LSM14B: variants seen among roughly 807,000 people sequenced by gnomAD.
The protein encoded by LSM14B is LSM family member 14B, also known as protein LSM14 homolog B.
A neutral mutation model predicts 42.1 loss-of-function variants in LSM14B; 8 were observed. The observed-to-expected ratio is 0.19, with a 90% CI of 0.11 to 0.34. LSM14B has a LOEUF of 0.34. Among genes scored for constraint, LSM14B ranks in the 10% least tolerant of loss-of-function variants. The pLI, the probability that LSM14B is intolerant of heterozygous loss-of-function variation, is 1.00. For missense variants in LSM14B, 396 were observed against 513.1 expected (o/e 0.77, Z 2.21); for synonymous variants, 219 against 209.7 (o/e 1.04, Z -0.38).
chr20:62,126,870 A>T (rs750913327), intron 3 of LSM14B, among the ~76,000 whole-genome samples: 6 of 152,082 alleles, frequency 3.9e-5, no homozygotes, highest in Non-Finnish European at 5.9e-5. Flanking sequence ...GGTGGGACAC[A>T]CCTGTAATCC....
intron 1 of LSM14B, among the ~76,000 whole-genome samples, chr20:62,124,039 G>A (rs1158251335): frequency 6.6e-6 from 1 of 152,240 alleles, no homozygotes; most frequent in African/African-American, 2.4e-5. Flanking sequence ...CTGGAAGCCT[G>A]CTGGTTAGGG....
intron 3 of LSM14B, among the ~76,000 whole-genome samples, chr20:62,127,054 T>C (rs981188239): frequency 3.9e-5 from 6 of 152,240 alleles, no homozygotes; most frequent in Non-Finnish European, 5.9e-5. Flanking sequence ...ATAGCTGATA[T>C]ATATGTAGTA....
Position 62,135,175 on chromosome 20 carries a change from A to G in LSM14B, c.*1027A>G, listed in dbSNP as rs1345048361. The G allele has an allele frequency of 6.6e-6, 1 of 152,120 alleles. No individual in the cohort carries two copies. The highest frequency in any genetic ancestry group is 2.4e-5 in the African/African-American group (1 of 41,400). The allele number at this position is 152,120 out of a possible 1,614,324, so 9.4% of individuals were successfully genotyped here. ...GCATGCGTCCTCTGAGTGACAGGGC[A>G]TTTTGTCGAAAATAAGCACCTTGGT... On this transcript the variant is annotated 3_prime_UTR_variant, in exon 9 of 9. Transcript: ENST00000279068.
rs1447877251 is a variant in LSM14B at position 62,131,372 on chromosome 20, G to A, written c.852G>A (p.Lys284=). The change falls in exon 7 of 9, where the codon AAG becomes AAA. Residue 284 remains lysine (K), a synonymous_variant. Transcript: ENST00000279068. ...KLNFKDDKAE[K]GEEKDLAVVT... ...TTTTTGTAGATGACAAGGCTGAGAA[G>A]GGGGAAGAGAAGGACCTGGCTGTGG... The A allele has an allele frequency of 2.5e-6, 4 of 1,603,810 alleles. No individual in the cohort carries two copies. In the East Asian group the frequency reaches 8.9e-5, roughly 36 times the overall value.
rs1568713754 is a variant in LSM14B at position 62,130,881 on chromosome 20, T to C, written c.835+190T>C. Among the ~76,000 whole-genome samples, 1 of 152,140 alleles carries C rather than the reference T, an allele frequency of 6.6e-6. No individual in the cohort carries two copies. Among genetic ancestry groups the C allele is most frequent in the East Asian group, 1.9e-4 (1 of 5,172 alleles). On this transcript the variant is annotated intron_variant, in intron 6 of 8. Transcript: ENST00000279068. The surrounding 1 kb of genome is among the most constrained non-coding windows in gnomAD (Gnocchi z 4.1). ...CAACACAATGAAACCCCATCTGTAC[T>C]AAAAATCCAAAAATTAGCCAGGCGT...
chr20:62,129,425 G>A (rs2056698718), intron 3 of LSM14B, among the ~76,000 whole-genome samples: 1 of 152,198 alleles, frequency 6.6e-6, no homozygotes, highest in South Asian at 2.1e-4. Context: ...CTTTGGGATT[G>A]GAGCTTGTGT....
In LSM14B at chr20:62,130,642, C is replaced by G. The variant is rs1303822401; in HGVS notation, c.786C>G (p.Phe262Leu). The change falls in exon 6 of 9, where the codon TTC becomes TTG. Residue 262 changes from phenylalanine to leucine, a missense_variant. Phe to Leu is a conservative substitution (Grantham distance 22). Coordinates refer to ENST00000279068, the MANE Select transcript of LSM14B (RefSeq NM_144703.3). This position sits in a 1 kb window ranked among gnomAD's most constrained non-coding sequence, Gnocchi z 4.1. ...DFDFESANAQ[F>L]NREELDKEFK... Reference sequence around the variant, plus strand: ...ATTTCGAGAGTGCAAATGCCCAGTTCAACCGAGAGGAGCTTGACAAAGAAT... The same window carrying G: ...ATTTCGAGAGTGCAAATGCCCAGTTGAACCGAGAGGAGCTTGACAAAGAAT... 4 of 1,613,958 alleles carry G rather than the reference C, an allele frequency of 2.5e-6. No individual in the cohort carries two copies. The Admixed American group carries it at 6.7e-5, about 27-fold the overall frequency.
At position 62,129,860 on chromosome 20, in the gene LSM14B, A is replaced by T. The variant is rs753584982; in HGVS notation, c.503A>T (p.Asn168Ile). The T allele has an allele frequency of 2.1e-5, 34 of 1,612,506 alleles. No individual in the cohort carries two copies. The highest frequency in any genetic ancestry group is 2.9e-5 in the Non-Finnish European group (34 of 1,179,422). ...EQAVQTGSAD[N>I]LNAKKLLPGK... ...GCTGTGCAGACTGGTTCTGCTGACAACCTGAATGCTAAAAAGCTGTTACCT... is the reference window on the plus strand; with the variant it reads ...GCTGTGCAGACTGGTTCTGCTGACATCCTGAATGCTAAAAAGCTGTTACCT... Residue 168 changes from asparagine to isoleucine, a missense_variant, in exon 4 of 9, where the codon AAC becomes ATC. Asn to Ile is a moderately radical substitution (Grantham distance 149). Around this residue, in one of 3 missense-constraint regions of LSM14B, gnomAD observed 274 missense variants for 335.8 expected, o/e 0.82. Transcript: ENST00000279068.
intron 7 of LSM14B, among the ~76,000 whole-genome samples, chr20:62,131,942 G>A (rs925599709): frequency 1.3e-5 from 2 of 152,246 alleles, no homozygotes; most frequent in African/African-American, 4.8e-5. Context: ...GGACCATGTG[G>A]TGTGTTTTAT....
chr20:62,131,028 G>T (rs1243642818), intron 6 of LSM14B, among the ~76,000 whole-genome samples: 2 of 152,154 alleles, frequency 1.3e-5, no homozygotes, highest in African/African-American at 4.8e-5. Flanking sequence ...CCAGCCGGGC[G>T]ATAGAGCAAG....
chr20:62,130,335 T>C lies in LSM14B; in HGVS notation c.673+39T>C. 6.4e-7 allele frequency: 1 copy of C among 1,561,324 alleles called. No individual in the cohort carries two copies. Among genetic ancestry groups the C allele is most frequent in the Non-Finnish European group, 8.7e-7 (1 of 1,151,916 alleles). On this transcript the variant is annotated intron_variant, in intron 5 of 8. Transcript: ENST00000279068. This position sits in a 1 kb window ranked among gnomAD's most constrained non-coding sequence, Gnocchi z 4.1. ...CCACTTGATTTCTGGGGACCACGAG[T>C]GATCAGGCTGAGCTCTGCTTGCCCT...
In LSM14B at chr20:62,124,913, G is replaced by A. The variant is rs1037530093; in HGVS notation, c.291+133G>A. On this transcript the variant is annotated intron_variant, in intron 2 of 8. Transcript: ENST00000279068. ...TTTTTTTTCTTTGAGGCAGCGTCTC[G>A]CTGTGTCACCAGGCTGGAGGTCAGT... 9.0e-6 allele frequency: 9 copies of A among 996,874 alleles called. No homozygotes were observed. In the South Asian group the frequency reaches 9.1e-5, roughly 10 times the overall value. 61.8% of individuals were successfully genotyped at this position (996,874 alleles called of 1,614,324 possible).
At chr20:62,126,641 C>G (rs1415541386) in intron 3 of LSM14B, among the ~76,000 whole-genome samples, 1 of 152,204 alleles carries the variant, frequency 6.6e-6, no homozygotes, top group African/African-American at 2.4e-5. Context: ...AAAGAGGCAG[C>G]AGCCTGAGTG....
rs181691886 is a variant in LSM14B at position 62,125,842 on chromosome 20, C to T, written c.292-462C>T. ...TGGGAGGCCGAGGTGGGCAGATCACCTGAGGTCAGGAGTTCAAGACCAGCT... is the reference window on the plus strand; with the variant it reads ...TGGGAGGCCGAGGTGGGCAGATCACTTGAGGTCAGGAGTTCAAGACCAGCT... On this transcript the variant is annotated intron_variant, in intron 2 of 8. Transcript: ENST00000279068. 4.7e-4 allele frequency among the ~76,000 whole-genome samples: 72 copies of T among 152,200 alleles called. No homozygotes were observed. The East Asian group carries it at 0.013, about 27-fold the overall frequency.
chr20:62,129,729 A>G (rs2056708309), intron 3 of LSM14B, 56 bp from the exon 4 acceptor site: 1 of 1,503,770 alleles, frequency 6.6e-7, no homozygotes, highest in Non-Finnish European at 9.0e-7. Flanking sequence ...GCCTGGAGAT[A>G]TAAGGCTTGC....
In LSM14B at chr20:62,130,046, A is replaced by G. The variant is rs998195840; in HGVS notation, c.595+94A>G. On this transcript the variant is annotated intron_variant, in intron 4 of 8. Coordinates refer to ENST00000279068, the MANE Select transcript of LSM14B (RefSeq NM_144703.3). This position sits in a 1 kb window ranked among gnomAD's most constrained non-coding sequence, Gnocchi z 4.1. ...TTTTTTTTTTTTTAATTAAAAAAATACTACTCCCCCATCCTAAGCCCCATG... is the reference window on the plus strand; with the variant it reads ...TTTTTTTTTTTTTAATTAAAAAAATGCTACTCCCCCATCCTAAGCCCCATG... 7.0e-7 allele frequency: 1 copy of G among 1,419,028 alleles called. No homozygotes were observed. The highest frequency in any genetic ancestry group is 1.5e-5 in the African/African-American group (1 of 68,880). The allele number at this position is 1,419,028 out of a possible 1,614,324, so 87.9% of individuals were successfully genotyped here.
Position 62,130,078 on chromosome 20 carries a change from T to A in LSM14B, c.595+126T>A. 1 of 1,422,860 alleles carries A rather than the reference T, an allele frequency of 7.0e-7. No homozygotes were observed. Among genetic ancestry groups the A allele is most frequent in the South Asian group, 1.4e-5 (1 of 71,916 alleles). 88.1% of individuals were successfully genotyped at this position (1,422,860 alleles called of 1,614,324 possible). The stretch of plus-strand genomic sequence containing the variant: ...CCCCATCCTAAGCCCCATGTGCTTT[T>A]GCAGGGCAGGCCTGTGCAGCAGCCT... On this transcript the variant is annotated intron_variant, in intron 4 of 8. Coordinates refer to ENST00000279068, the MANE Select transcript of LSM14B (RefSeq NM_144703.3). The surrounding 1 kb of genome is among the most constrained non-coding windows in gnomAD (Gnocchi z 4.1).
intron 3 of LSM14B, among the ~76,000 whole-genome samples, chr20:62,129,509 G>A (rs541888472): frequency 1.1e-4 from 17 of 152,256 alleles, no homozygotes; most frequent in African/African-American, 3.9e-4. Flanking sequence ...CTGTCCTTGA[G>A]GTTCCCTAAC....
At chr20:62,124,224 T>A (rs187625675) in intron 1 of LSM14B, among the ~76,000 whole-genome samples, 60 of 152,380 alleles carry the variant, frequency 3.9e-4, no homozygotes, top group African/African-American at 1.3e-3. Flanking sequence ...TCAGGCGCAA[T>A]GTGCGGTGAG....
Sources: allele counts gnomAD v4.1 joint callset (sites outside exome capture counted in the v4.1 genomes callset), GRCh38; gene constraint gnomAD v4.1.1; regional missense constraint gnomAD v4.1.1; non-coding constraint Gnocchi (gnomAD v3.1); transcripts MANE v1.5; gene names NCBI Gene and HGNC (gene_info 2026-07-23, HGNC 2026-07-21).